NTN5: variants seen among roughly 807,000 people sequenced by gnomAD.
NTN5 encodes the protein netrin-5.
A neutral mutation model predicts 38.7 loss-of-function variants in NTN5; 42 were observed. That is an observed-to-expected ratio of 1.08 (90% CI 0.85 to 1.40). NTN5 has a LOEUF of 1.40. NTN5 is among the 40% of genes most tolerant of loss of function. NTN5 has a pLI of 0.00. For synonymous variants in NTN5, 329 were observed against 303.9 expected, an observed-to-expected ratio of 1.08 and a Z score of -0.86; for missense variants, 658 against 716.5, an observed-to-expected ratio of 0.92 and a Z score of 0.93.
intron 2 of NTN5, among the ~76,000 whole-genome samples, chr19:48,669,715 TCACCACCAC>T (rs1160000937): frequency 2.5e-5 from 1 of 40,214 alleles, no homozygotes; most frequent in East Asian, 1.2e-3. Flanking sequence ...ATCACCACCA[TCACCACCAC>T]CACCACCATC....
chr19:48,661,605 C>T lies in NTN5; in HGVS notation c.*72G>A, dbSNP rs963208102. 7 of 1,407,180 alleles carry T rather than the reference C, an allele frequency of 5.0e-6. No individual in the cohort carries two copies. The highest frequency in any genetic ancestry group is 3.0e-5 in the South Asian group (2 of 66,368). 87.2% of individuals were successfully genotyped at this position (1,407,180 alleles called of 1,614,324 possible). On this transcript the variant is annotated 3_prime_UTR_variant, in exon 7 of 7. Transcript: ENST00000270235. The stretch of plus-strand genomic sequence containing the variant: ...TGATTGGCTCTCTGCAGTGCACCGT[C>T]GAGGTAGAAGGCTCAGCTCCTAGTC...
At chr19:48,665,389 T>A (rs902261166) in intron 2 of NTN5, among the ~76,000 whole-genome samples, 68 of 148,592 alleles carry the variant, frequency 4.6e-4, no homozygotes, top group Non-Finnish European at 8.9e-4. Flanking sequence ...TGAGCCAAGA[T>A]TGCACCACTG....
intron 2 of NTN5, among the ~76,000 whole-genome samples, 156 bp downstream of exon 2, chr19:48,670,200 G>T (rs1056092751): frequency 6.6e-6 from 1 of 152,134 alleles, no homozygotes; most frequent in Non-Finnish European, 1.5e-5. Flanking sequence ...AGGACTGGCT[G>T]CAGGGAGGAG....
intron 2 of NTN5, among the ~76,000 whole-genome samples, chr19:48,668,529 G>A (rs552229739): frequency 6.6e-6 from 1 of 152,250 alleles, no homozygotes; most frequent in African/African-American, 2.4e-5. Flanking sequence ...TGGCTGCCAG[G>A]CCACCAAGGC....
intron 6 of NTN5, 67 bp from the exon 7 acceptor site, chr19:48,662,108 G>A (rs1256071741): frequency 1.5e-6 from 2 of 1,339,084 alleles, no homozygotes; most frequent in Non-Finnish European, 1.9e-6. Context: ...GTCCCGTGGG[G>A]TCAGTCACAG....
intron 6 of NTN5, chr19:48,662,753 G>GC (rs2031583333): frequency 6.3e-6 from 1 of 158,192 alleles, no homozygotes; most frequent in South Asian, 1.8e-4. Context: ...ACCGCGCCCG[G>GC]CCAGAAAAAT....
rs1156295691 is a variant in NTN5, at chr19:48,670,850, G to A, written c.137C>T (p.Ala46Val). ...LAAVAASCPQ[A>V]CALSPGNHLG... Reference sequence around the variant, plus strand: ...GTGGTTTCCTGGGGACAGGGCACAGGCCTGAGGGCAGGAGGCCGCCACGGC... The same window carrying A: ...GTGGTTTCCTGGGGACAGGGCACAGACCTGAGGGCAGGAGGCCGCCACGGC... Residue 46 changes from alanine to valine, a missense_variant, in exon 2 of 7, where the codon GCC becomes GTC. Coordinates refer to ENST00000270235, the MANE Select transcript of NTN5 (RefSeq NM_145807.4). The A allele has an allele frequency of 6.2e-7, 1 of 1,612,706 alleles. No individual in the cohort carries two copies. Among genetic ancestry groups the A allele is most frequent in the East Asian group, 2.2e-5 (1 of 44,878 alleles).
intron 2 of NTN5, among the ~76,000 whole-genome samples, chr19:48,669,204 CCAT>C (rs201298945): frequency 7.5e-5 from 3 of 40,054 alleles, no homozygotes; most frequent in East Asian, 1.2e-3. Context: ...ACCACCATCA[CCAT>C]CACCACCACC....
intron 5 of NTN5, 96 bp downstream of exon 5, chr19:48,663,665 C>T (rs2031609795): frequency 1.3e-6 from 2 of 1,508,640 alleles, no homozygotes; most frequent in East Asian, 2.3e-5. Context: ...TGGGACTGGG[C>T]TCAATGGGTG....
rs1489260214 is a variant in NTN5, at chr19:48,664,721, C to T, written c.678G>A (p.Glu226=). The change falls in exon 3 of 7, where the codon GAG becomes GAA. Residue 226 remains glutamate, a synonymous_variant. Transcript: ENST00000270235. ...TCCGGCCGCCCGACAGTCTGAACAG[C>T]TCAGAGTTGAACCGGCAGCGTCGGG... ...QHARRCRFNS[E]LFRLSGGRSG... The T allele has an allele frequency of 2.5e-6, 4 of 1,600,250 alleles. No individual in the cohort carries two copies. Among genetic ancestry groups the T allele is most frequent in the Non-Finnish European group, 8.5e-7 (1 of 1,173,648 alleles).
chr19:48,663,263 G>A, intron 6 of NTN5, 200 bp downstream of exon 6: 1 of 686,140 alleles, frequency 1.5e-6, no homozygotes, highest in Non-Finnish European at 2.7e-6. Context: ...AGGAGACACA[G>A]GAAGGTAGTG....
chr19:48,669,957 TCACCATCAC>T (rs2031900798), intron 2 of NTN5, among the ~76,000 whole-genome samples: 1 of 6,674 alleles, frequency 1.5e-4, no homozygotes, highest in Non-Finnish European at 3.3e-4. Flanking sequence ...ACCACCACCA[TCACCATCAC>T]CACCATCATC....
At position 48,664,623 on chromosome 19, in the gene NTN5, C is replaced by T. The variant is rs141446313; in HGVS notation, c.776G>A (p.Trp259Ter). ...GAAGATAGGCTGGCTAGGGTCCCTCCAGAACCCAGGTTGGCAGTAGTGGCA... is the reference window on the plus strand; with the variant it reads ...GAAGATAGGCTGGCTAGGGTCCCTCTAGAACCCAGGTTGGCAGTAGTGGCA... ...RHCHYCQPGF[W>*]RDPSQPIFSR... Residue 259 changes from tryptophan (W) to a stop codon, truncating the protein, a stop_gained, in exon 3 of 7, where the codon TGG (tryptophan) becomes TAG (stop). Coordinates refer to ENST00000270235, the MANE Select transcript of NTN5 (RefSeq NM_145807.4). LOFTEE classifies it high-confidence loss of function. The T allele has an allele frequency of 6.2e-7, 1 of 1,613,720 alleles. No individual in the cohort carries two copies. Among genetic ancestry groups the T allele is most frequent in the Admixed American group, 1.7e-5 (1 of 59,994 alleles).
At chr19:48,664,549 C>T (rs750056666) in intron 3 of NTN5, 30 bp downstream of exon 3, 1 of 1,548,648 alleles carries the variant, frequency 6.5e-7, no homozygotes, top group Non-Finnish European at 8.7e-7. Context: ...ACCTCTGCTC[C>T]CCCCAGGCCT....
chr19:48,664,186 G>T lies in NTN5; in HGVS notation c.927C>A (p.Gly309=). 1 of 1,609,688 alleles carries T rather than the reference G, an allele frequency of 6.2e-7. No homozygotes were observed. The highest frequency in any genetic ancestry group is 1.1e-5 in the South Asian group (1 of 90,236). ...GGGAGCGGCTCTGCTGGTAGCCAGGGCCACAGCGGTTGCAGGTCAGGCCTG... is the reference window on the plus strand; with the variant it reads ...GGGAGCGGCTCTGCTGGTAGCCAGGTCCACAGCGGTTGCAGGTCAGGCCTG... ...GVTGLTCNRC[G]PGYQQSRSPR... The change falls in exon 4 of 7, where the codon GGC becomes GGA. Residue 309 remains glycine, a synonymous_variant. Transcript: ENST00000270235.
At chr19:48,669,561 CCACCAT>C (rs2031845780) in intron 2 of NTN5, among the ~76,000 whole-genome samples, 1 of 17,132 alleles carries the variant, frequency 5.8e-5, no homozygotes. Context: ...ACCATCACCA[CCACCAT>C]CACCACCATC....
intron 2 of NTN5, among the ~76,000 whole-genome samples, chr19:48,665,329 G>T (rs1283428400): frequency 1.3e-5 from 2 of 151,392 alleles, no homozygotes; most frequent in Admixed American, 6.6e-5. Context: ...CCAGCTACTC[G>T]GGAGGCTGAG....
intron 2 of NTN5, among the ~76,000 whole-genome samples, chr19:48,669,576 T>TCAC (rs1356023446): frequency 0.051 from 625 of 12,208 alleles, 169 homozygotes; most frequent in Non-Finnish European, 0.055. Flanking sequence ...ATCACCACCA[T>TCAC]CACCACCACG....
Position 48,667,236 on chromosome 19 carries a change from AGAG to A in NTN5, c.632-2472_632-2470del, listed in dbSNP as rs143202418. ...CCCCTGTGGAGAACTCAGATGAGGG[AGAG>A]GAGATGCAGACCAGGATGTCTGTGA... is the stretch of plus-strand genomic sequence containing the variant. On this transcript the variant is annotated intron_variant, in intron 2 of 6. Coordinates refer to ENST00000270235, the MANE Select transcript of NTN5 (RefSeq NM_145807.4). The A allele has an allele frequency of 7.1e-3, 1,206 of 170,056 alleles. 21 individuals carry two copies. The East Asian group carries it at 0.073, about 10-fold the overall frequency. 10.5% of individuals were successfully genotyped at this position (170,056 alleles called of 1,614,324 possible). A position where few individuals can be genotyped will look rare whatever the true frequency, so the allele number is the denominator to read the frequency against.
Sources: gnomAD v4.1 joint callset for allele counts (sites outside exome capture counted in the v4.1 genomes callset) on GRCh38, gnomAD v4.1.1 for gene constraint, MANE v1.5 for transcripts, NCBI Gene and HGNC (gene_info 2026-07-23, HGNC 2026-07-21) for gene names.